Variants in STRN3 observed in about 807,000 individuals in gnomAD.
STRN3 encodes the protein striatin 3.
Under a neutral mutation model 95.6 loss-of-function variants are expected in STRN3, and 29 were observed. The observed-to-expected ratio is 0.30, with a 90% CI of 0.23 to 0.41. The LOEUF (loss-of-function observed/expected upper bound fraction) is 0.41, where lower values mean the gene tolerates loss of function less well. Ranked by LOEUF, STRN3 falls within the 10% of genes least tolerant of loss-of-function variation. The probability of loss-of-function intolerance (pLI) is 1.00; values close to 1 mark genes in which losing one functional copy is unlikely to be tolerated. For synonymous variants in STRN3, 331 were observed against 357.6 expected (o/e 0.93, Z 0.84); for missense variants, 890 against 972.1 (o/e 0.92, Z 1.12).
rs145769505 is a variant in STRN3, at chr14:30,965,961, C to T, written c.283-9719G>A. Among the ~76,000 whole-genome samples, 52 of 152,182 alleles carry T rather than the reference C, an allele frequency of 3.4e-4. No individual in the cohort carries two copies. In the East Asian group the frequency reaches 9.6e-3, roughly 28 times the overall value. ...TAAAGCAATCTTTTTCGATTACCCA[C>T]TCCACCCTGACTCATTCCAATTACC... On this transcript the variant is annotated intron_variant, in intron 1 of 17. Coordinates refer to ENST00000357479, the MANE Select transcript of STRN3 (RefSeq NM_001083893.2).
intron 1 of STRN3, among the ~76,000 whole-genome samples, chr14:31,011,630 G>A (rs752007121): frequency 2.3e-4 from 35 of 152,238 alleles, no homozygotes; most frequent in African/African-American, 4.3e-4. Context: ...GCGACAGAGC[G>A]AGACTGTGTC....
At chr14:30,929,972 A>AAAAAAAC (rs1566441493) in intron 7 of STRN3, among the ~76,000 whole-genome samples, 8 of 149,500 alleles carry the variant, frequency 5.4e-5, no homozygotes, top group African/African-American at 2.0e-4. Context: ...AAAAAAAAAA[A>AAAAAAAC]AAAAAAACTC....
At chr14:30,989,610 G>A (rs1268296755) in intron 1 of STRN3, among the ~76,000 whole-genome samples, 2 of 152,004 alleles carry the variant, frequency 1.3e-5, no homozygotes, top group African/African-American at 2.4e-5. Flanking sequence ...ACAGGTGCCC[G>A]CCACCTCGCC....
At chr14:30,897,168 TCTACACTA>T (rs1316801876) in intron 16 of STRN3, among the ~76,000 whole-genome samples, 1 of 152,176 alleles carries the variant, frequency 6.6e-6, no homozygotes, top group Non-Finnish European at 1.5e-5. Flanking sequence ...ATGATGATAC[TCTACACTA>T]GGATATGAAA....
chr14:30,928,874 A>C (rs990262093), intron 8 of STRN3, among the ~76,000 whole-genome samples: 4 of 111,978 alleles, frequency 3.6e-5, no homozygotes, highest in African/African-American at 1.3e-4. Flanking sequence ...AAAATGGAGA[A>C]ATTTATACTT....
chr14:30,894,060 GA>G lies in STRN3; in HGVS notation c.*1350del, dbSNP rs1031299701. The G allele has an allele frequency of 6.6e-6, 1 of 152,342 alleles. No individual in the cohort carries two copies. The highest frequency in any genetic ancestry group is 2.4e-5 in the African/African-American group (1 of 41,384). 9.4% of individuals were successfully genotyped at this position (152,342 alleles called of 1,614,324 possible). On this transcript the variant is annotated 3_prime_UTR_variant, in exon 18 of 18. Transcript: ENST00000357479. ...ATCAGAAAAGTTTCTCGGAAGACTA[GA>G]AAAAATACTTTATTGTCTTAATCAT...
At position 30,969,164 on chromosome 14, in the gene STRN3, A is replaced by G. The variant is rs1157028539; in HGVS notation, c.283-12922T>C. 3.3e-5 allele frequency among the ~76,000 whole-genome samples: 5 copies of G among 152,184 alleles called. No homozygotes were observed. The South Asian group carries it at 6.2e-4, about 19-fold the overall frequency. Reference sequence around the variant, plus strand: ...TAAAAAGAGTCTATAAGCTGGGCGCAGTGGCTCACGCCTGTAATCCCAGCA... The same window carrying G: ...TAAAAAGAGTCTATAAGCTGGGCGCGGTGGCTCACGCCTGTAATCCCAGCA... On this transcript the variant is annotated intron_variant, in intron 1 of 17. Coordinates refer to ENST00000357479, the MANE Select transcript of STRN3 (RefSeq NM_001083893.2).
chr14:30,985,518 C>T (rs986382712), intron 1 of STRN3, among the ~76,000 whole-genome samples: 1 of 151,946 alleles, frequency 6.6e-6, no homozygotes, highest in African/African-American at 2.4e-5. Flanking sequence ...GCAGGAGAAC[C>T]ACTTCAATCT....
At position 31,026,177 on chromosome 14, in the gene STRN3, C is replaced by T. The variant is rs1883906853; in HGVS notation, c.9G>A (p.Glu3=). The change falls in exon 1 of 18, where the codon GAG becomes GAA. Residue 3 remains glutamate, a synonymous_variant. Coordinates refer to ENST00000357479, the MANE Select transcript of STRN3 (RefSeq NM_001083893.2). The part of the protein sequence containing the change: MD[E]LAGGGGGGPG... ...GGCCGCCACCACCGCCTCCGGCAAG[C>T]TCGTCCATTGTGTGTGGGGCCCCGG... is the stretch of plus-strand genomic sequence containing the variant. The T allele has an allele frequency of 5.4e-6, 8 of 1,477,588 alleles. No individual in the cohort carries two copies. In the Admixed American group the frequency reaches 1.6e-4, roughly 30 times the overall value. 91.5% of individuals were successfully genotyped at this position (1,477,588 alleles called of 1,614,324 possible). A position where few individuals can be genotyped will look rare whatever the true frequency, so the allele number is the denominator to read the frequency against.
chr14:31,021,430 T>C (rs1347296484), intron 1 of STRN3, among the ~76,000 whole-genome samples: 1 of 152,188 alleles, frequency 6.6e-6, no homozygotes, highest in Non-Finnish European at 1.5e-5. Flanking sequence ...CTGAGTTGTT[T>C]TGAGAATTAA....
intron 16 of STRN3, 42 bp from the exon 17 acceptor site, chr14:30,895,790 T>C: frequency 1.3e-6 from 2 of 1,539,532 alleles, no homozygotes; most frequent in Non-Finnish European, 1.8e-6. Context: ...TTTTCACAAA[T>C]ACTAACTCGA....
At chr14:30,976,572 A>G (rs771590090) in intron 1 of STRN3, among the ~76,000 whole-genome samples, 1 of 152,240 alleles carries the variant, frequency 6.6e-6, no homozygotes, top group Non-Finnish European at 1.5e-5. Context: ...GCAGAACAAC[A>G]TTATTTTCAA....
At chr14:30,984,119 T>C (rs1390651142) in intron 1 of STRN3, among the ~76,000 whole-genome samples, 40 of 105,130 alleles carry the variant, frequency 3.8e-4, no homozygotes, top group Non-Finnish European at 7.1e-4. Flanking sequence ...TTCCATGGCA[T>C]CTTCCCCGCC....
chr14:31,013,879 T>TTAC (rs1418763327), intron 1 of STRN3, among the ~76,000 whole-genome samples: 6 of 90,864 alleles, frequency 6.6e-5, no homozygotes, highest in African/African-American at 2.2e-4. Context: ...ATTATTATTA[T>TTAC]TATTATTATT....
intron 15 of STRN3, among the ~76,000 whole-genome samples, chr14:30,905,066 C>A (rs769927873): frequency 6.6e-6 from 1 of 151,806 alleles, no homozygotes; most frequent in Non-Finnish European, 1.5e-5. Flanking sequence ...CTTATGTGAT[C>A]CCTATCTAAA....
chr14:30,993,385 G>A (rs1474800), intron 1 of STRN3, among the ~76,000 whole-genome samples: 135,827 of 152,198 alleles, frequency 0.89, 61,198 homozygotes, highest in Non-Finnish European at 0.97. Context: ...ATATCACACT[G>A]AAGAGTAATT....
intron 10 of STRN3, among the ~76,000 whole-genome samples, chr14:30,912,532 C>G (rs953362267): frequency 2.6e-5 from 4 of 152,076 alleles, no homozygotes; most frequent in African/African-American, 7.2e-5. Flanking sequence ...TAAGTTATTA[C>G]AAATATCCAA....
chr14:30,967,129 A>AC (rs917500707), intron 1 of STRN3, among the ~76,000 whole-genome samples: 2 of 144,686 alleles, frequency 1.4e-5, no homozygotes, highest in Non-Finnish European at 3.0e-5. Flanking sequence ...ACCTGACACA[A>AC]CCCCCCACCC....
intron 9 of STRN3, among the ~76,000 whole-genome samples, chr14:30,917,682 T>G (rs751801352): frequency 6.6e-6 from 1 of 151,890 alleles, no homozygotes; most frequent in Non-Finnish European, 1.5e-5. Flanking sequence ...TCATTCATTT[T>G]GTTTTGAATG....
Sources: allele counts gnomAD v4.1 joint callset (sites outside exome capture counted in the v4.1 genomes callset), GRCh38; gene constraint gnomAD v4.1.1; transcripts MANE v1.5; gene names NCBI Gene and HGNC (gene_info 2026-07-23, HGNC 2026-07-21).